Variants in GALNT13 observed in about 807,000 individuals in gnomAD.
GALNT13 encodes polypeptide N-acetylgalactosaminyltransferase 13, also known as UDP-GalNAc:polypeptide N-acetylgalactosaminyltransferase 13.
Under a neutral mutation model 64.2 loss-of-function variants are expected in GALNT13, and 28 were observed. The ratio of observed to expected loss-of-function variants is 0.44; its 90% CI spans 0.32 to 0.60. The LOEUF (loss-of-function observed/expected upper bound fraction) is 0.60. Among genes scored for constraint, GALNT13 ranks in the 20% least tolerant of loss-of-function variants. The pLI is 0.05. For synonymous variants in GALNT13, 214 were observed against 224.6 expected (o/e 0.95, Z 0.42); for missense variants, 577 against 669.8 (o/e 0.86, Z 1.53).
chr2:153,928,579 G>C lies in GALNT13; in HGVS notation c.-104-15815G>C, dbSNP rs111748203. ...GAATCATTGGTTTGCCGTGTTATAA[G>C]ATGAACACTGAGCAGTCATTAAATG... On this transcript the variant is annotated intron_variant, in intron 2 of 12. Transcript: ENST00000392825. Among the ~76,000 whole-genome samples the C allele has an allele frequency of 2.7e-3, 410 of 152,194 alleles. 1 individual carries two copies. Among genetic ancestry groups the C allele is most frequent in the African/African-American group, 9.3e-3 (387 of 41,542 alleles).
chr2:153,088,172 T>C, the GALNT13 span, among the ~76,000 whole-genome samples: 61,978 of 151,876 alleles, frequency 0.41, 13,065 homozygotes, highest in Non-Finnish European at 0.47. Flanking sequence ...TTACTATTAT[T>C]GTTCAGTCCA....
the GALNT13 span, among the ~76,000 whole-genome samples, chr2:153,553,474 C>A: frequency 1.3e-5 from 2 of 152,142 alleles, no homozygotes; most frequent in Non-Finnish European, 2.9e-5. Context: ...TGCACTCCAG[C>A]CTGGATGACA....
chr2:153,125,879 G>C, the GALNT13 span, among the ~76,000 whole-genome samples: 29 of 151,954 alleles, frequency 1.9e-4, no homozygotes, highest in Non-Finnish European at 3.4e-4. Context: ...TTGACAATGG[G>C]TTTATGTAGA....
the GALNT13 span, among the ~76,000 whole-genome samples, chr2:153,359,521 C>G: frequency 1.3e-5 from 2 of 148,208 alleles, no homozygotes; most frequent in East Asian, 4.0e-4. Context: ...TTGGATGCAG[C>G]ACAAACAATT....
At chr2:153,525,187 C>G in the GALNT13 span, among the ~76,000 whole-genome samples, 1 of 152,178 alleles carries the variant, frequency 6.6e-6, no homozygotes, top group Non-Finnish European at 1.5e-5. Context: ...GAAACCAGTT[C>G]TAACAGCATT....
chr2:153,721,397 C>T, the GALNT13 span, among the ~76,000 whole-genome samples: 1 of 142,252 alleles, frequency 7.0e-6, no homozygotes, highest in African/African-American at 2.8e-5. Context: ...GAAGAAACTG[C>T]ATCAACTAAC....
chr2:153,134,966 TAGTG>T, the GALNT13 span, among the ~76,000 whole-genome samples: 2 of 152,134 alleles, frequency 1.3e-5, no homozygotes, highest in Non-Finnish European at 2.9e-5. Context: ...AGGAATTAAA[TAGTG>T]AGAGAGTCAC....
intron 8 of GALNT13, among the ~76,000 whole-genome samples, chr2:154,282,543 A>G (rs1195497750): frequency 6.6e-6 from 1 of 152,112 alleles, no homozygotes; most frequent in East Asian, 1.9e-4. Flanking sequence ...GCCATCATCA[A>G]CCTCATTCCC....
chr2:153,395,610 T>C, the GALNT13 span, among the ~76,000 whole-genome samples: 1 of 152,108 alleles, frequency 6.6e-6, no homozygotes, highest in African/African-American at 2.4e-5. Context: ...AGAAAAAATG[T>C]GTAATTATGA....
the GALNT13 span, among the ~76,000 whole-genome samples, chr2:153,480,599 TCATA>T: frequency 6.6e-6 from 1 of 152,166 alleles, no homozygotes; most frequent in African/African-American, 2.4e-5. Context: ...TTAAATCTCA[TCATA>T]CAATCAGTCT....
At chr2:154,373,710 C>T (rs1429909529) in intron 9 of GALNT13, among the ~76,000 whole-genome samples, 1 of 152,060 alleles carries the variant, frequency 6.6e-6, no homozygotes, top group East Asian at 1.9e-4. Context: ...AGACATAAAA[C>T]AGGTTTTGAT....
intron 3 of GALNT13, among the ~76,000 whole-genome samples, chr2:153,979,796 T>C (rs1405900265): frequency 6.6e-6 from 1 of 152,176 alleles, no homozygotes; most frequent in Non-Finnish European, 1.5e-5. Flanking sequence ...GAGGCTGATA[T>C]GTATGCTTTT....
the GALNT13 span, among the ~76,000 whole-genome samples, chr2:153,692,497 G>A: frequency 4.1e-3 from 619 of 152,276 alleles, 2 homozygotes; most frequent in African/African-American, 0.014. Flanking sequence ...GTGTGTTATC[G>A]TAAAATTAAT....
At chr2:153,483,410 C>CTTTTTTTTTTTTTTTTTTTTTTTTTTT in the GALNT13 span, among the ~76,000 whole-genome samples, 1 of 71,776 alleles carries the variant, frequency 1.4e-5, no homozygotes, top group Non-Finnish European at 2.6e-5. Flanking sequence ...GAATAAAATT[C>CTTTTTTTTTTTTTTTTTTTTTTTTTTT]TTTTTTTTTT....
At chr2:153,304,622 T>G in the GALNT13 span, among the ~76,000 whole-genome samples, 1 of 152,144 alleles carries the variant, frequency 6.6e-6, no homozygotes, top group African/African-American at 2.4e-5. Flanking sequence ...TGGCTAATTT[T>G]CCCTCCCCAT....
At chr2:153,425,277 A>G in the GALNT13 span, among the ~76,000 whole-genome samples, 7 of 151,730 alleles carry the variant, frequency 4.6e-5, no homozygotes, top group Non-Finnish European at 1.0e-4. Flanking sequence ...CTGGGCATCA[A>G]TGGGGCCTAT....
intron 10 of GALNT13, among the ~76,000 whole-genome samples, chr2:154,397,194 G>A (rs1225453843): frequency 6.6e-6 from 1 of 151,990 alleles, no homozygotes; most frequent in Non-Finnish European, 1.5e-5. Context: ...CCAGCACTTC[G>A]GGAGGCCAAG....
chr2:154,406,031 A>C (rs547850785), intron 10 of GALNT13, among the ~76,000 whole-genome samples: 1 of 152,296 alleles, frequency 6.6e-6, no homozygotes, highest in East Asian at 1.9e-4. Flanking sequence ...TAGATCTATC[A>C]AAGTGATTTT....
At chr2:153,344,560 A>G in the GALNT13 span, among the ~76,000 whole-genome samples, 1 of 152,140 alleles carries the variant, frequency 6.6e-6, no homozygotes, top group Admixed American at 6.6e-5. Context: ...GCGTGATTAT[A>G]TAAGCATTCC....
Sources: gnomAD v4.1 joint callset for allele counts (sites outside exome capture counted in the v4.1 genomes callset) on GRCh38, gnomAD v4.1.1 for gene constraint, MANE v1.5 for transcripts, NCBI Gene and HGNC (gene_info 2026-07-23, HGNC 2026-07-21) for gene names.